The following DACH2 variants were observed in gnomAD, a reference collection of about 807,000 sequenced individuals.
DACH2 encodes dachshund family transcription factor 2.
In DACH2, 17 loss-of-function variants were observed where a neutral mutation model predicts 35.8. That is an observed-to-expected ratio of 0.48 (90% CI 0.33 to 0.71). The LOEUF (loss-of-function observed/expected upper bound fraction) is 0.71. Ranked by LOEUF, DACH2 falls within the 30% of genes least tolerant of loss-of-function variation. DACH2 has a pLI of 0.02. For synonymous variants in DACH2, 195 were observed against 177.3 expected, an observed-to-expected ratio of 1.10 and a Z score of -0.79; for missense variants, 469 against 472.7, an observed-to-expected ratio of 0.99 and a Z score of 0.07.
At position 86,362,453 on chromosome X, in the gene DACH2, GA is replaced by G. The variant is rs754902904; in HGVS notation, c.489-14368del. Among the ~76,000 whole-genome samples, 7 of 111,213 alleles carry G rather than the reference GA, an allele frequency of 6.3e-5. No homozygotes were observed. In the East Asian group the frequency reaches 2.0e-3, roughly 31 times the overall value. On this transcript the variant is annotated intron_variant, in intron 1 of 11. Transcript: ENST00000373125. ...TTAGCTTTAGCCAAAACCATTGAAA[GA>G]AATCAAAACAAATTTAAGGTGATAA...
intron 1 of DACH2, among the ~76,000 whole-genome samples, chrX:86,255,575 G>C (rs1246347135): frequency 9.0e-6 from 1 of 110,772 alleles, no homozygotes; most frequent in Non-Finnish European, 1.9e-5. Flanking sequence ...TTTGAGTGTA[G>C]GTCTCCTGAT....
At chrX:86,525,839 G>A (rs2038623808) in intron 3 of DACH2, among the ~76,000 whole-genome samples, 2 of 111,370 alleles carry the variant, frequency 1.8e-5, no homozygotes, top group African/African-American at 6.5e-5. Context: ...CACAAGCCAA[G>A]TCTATTGGAT....
intron 1 of DACH2, among the ~76,000 whole-genome samples, chrX:86,307,940 G>T (rs752762899): frequency 8.9e-6 from 1 of 111,741 alleles, no homozygotes; most frequent in Admixed American, 9.5e-5. Context: ...ACTTAATTTT[G>T]CAGCTCAGGG....
intron 3 of DACH2, among the ~76,000 whole-genome samples, chrX:86,609,682 C>G (rs1462032141): frequency 1.8e-5 from 2 of 111,677 alleles, no homozygotes. Flanking sequence ...GAACCTCAAG[C>G]CCAGTAGTGC....
At chrX:86,780,365 A>G (rs2042078569) in intron 7 of DACH2, among the ~76,000 whole-genome samples, 1 of 111,358 alleles carries the variant, frequency 9.0e-6, no homozygotes, top group African/African-American at 3.3e-5. Context: ...AATGACCAAC[A>G]TAGTATTCAG....
chrX:86,677,793 G>T (rs182683929), intron 4 of DACH2, among the ~76,000 whole-genome samples: 3 of 112,263 alleles, frequency 2.7e-5, no homozygotes, highest in Admixed American at 1.9e-4. Flanking sequence ...GAGCTAGGCC[G>T]AGAACACAGC....
At chrX:86,202,929 C>T (rs1180392105) in intron 1 of DACH2, among the ~76,000 whole-genome samples, 1 of 111,207 alleles carries the variant, frequency 9.0e-6, no homozygotes, top group Non-Finnish European at 1.9e-5. Flanking sequence ...GTTGTCTAAT[C>T]GGATTGATTA....
intron 1 of DACH2, among the ~76,000 whole-genome samples, chrX:86,296,187 G>A (rs1325866006): frequency 6.6e-5 from 7 of 105,685 alleles, no homozygotes; most frequent in Non-Finnish European, 1.2e-4. Context: ...AGACCATCCT[G>A]GCTAACACGG....
chrX:86,496,686 C>G (rs1353087163), intron 2 of DACH2, among the ~76,000 whole-genome samples: 7 of 110,104 alleles, frequency 6.4e-5, no homozygotes, highest in South Asian at 3.9e-4. Context: ...GCCACACACA[C>G]ACATGAAAAA....
chrX:86,618,977 A>G (rs1272055518), intron 3 of DACH2, among the ~76,000 whole-genome samples: 1 of 112,013 alleles, frequency 8.9e-6, no homozygotes, highest in Admixed American at 9.5e-5. Flanking sequence ...TGCTTTTTAA[A>G]CACAAAATCT....
At position 86,267,848 on chromosome X, in the gene DACH2, A is replaced by G. The variant is rs150419844; in HGVS notation, c.489-108976A>G. ...ATATTAAATGTTATAGTTCCATTCT[A>G]TAGACCTAAATCTCACTATACATTG... is the stretch of plus-strand genomic sequence containing the variant. On this transcript the variant is annotated intron_variant, in intron 1 of 11. Coordinates refer to ENST00000373125, the MANE Select transcript of DACH2 (RefSeq NM_053281.3). Among the ~76,000 whole-genome samples the G allele has an allele frequency of 7.9e-4, 89 of 112,171 alleles. 1 individual carries two copies. In the East Asian group the frequency reaches 0.014, roughly 18 times the overall value.
chrX:86,437,871 T>C (rs1481005269), intron 2 of DACH2, among the ~76,000 whole-genome samples: 3 of 110,527 alleles, frequency 2.7e-5, no homozygotes, highest in Non-Finnish European at 3.8e-5. Flanking sequence ...ATTTTTATTT[T>C]ATTTGTGTTT....
chrX:86,619,728 G>A (rs2040047470), intron 3 of DACH2, among the ~76,000 whole-genome samples: 1 of 111,862 alleles, frequency 8.9e-6, no homozygotes, highest in Non-Finnish European at 1.9e-5. Flanking sequence ...ACAGGAAGGG[G>A]CACTATCAGT....
At chrX:86,740,176 G>A (rs2041638934) in intron 7 of DACH2, among the ~76,000 whole-genome samples, 3 of 110,043 alleles carry the variant, frequency 2.7e-5, no homozygotes, top group Admixed American at 1.9e-4. Context: ...GATACAATAC[G>A]CCTGACACAG....
intron 7 of DACH2, among the ~76,000 whole-genome samples, chrX:86,774,382 T>A (rs1187674830): frequency 5.4e-5 from 6 of 112,088 alleles, no homozygotes; most frequent in Non-Finnish European, 3.8e-5. Context: ...AATAGTTTGT[T>A]CTGGTCATTA....
chrX:86,602,961 G>A (rs1458192896), intron 3 of DACH2, among the ~76,000 whole-genome samples: 1 of 110,900 alleles, frequency 9.0e-6, no homozygotes, highest in African/African-American at 3.3e-5. Flanking sequence ...TTTTACTATA[G>A]GTCTATTGTA....
At chrX:86,312,664 G>A (rs980151602) in intron 1 of DACH2, among the ~76,000 whole-genome samples, 1 of 111,698 alleles carries the variant, frequency 9.0e-6, no homozygotes, top group Admixed American at 9.5e-5. Flanking sequence ...GGCATGACTG[G>A]CCTAGCCTCC....
At position 86,536,691 on chromosome X, in the gene DACH2, C is replaced by T. The variant is rs181008462; in HGVS notation, c.640+22300C>T. Among the ~76,000 whole-genome samples the T allele has an allele frequency of 4.2e-4, 47 of 111,931 alleles. 2 individuals are homozygous for T. The highest frequency in any genetic ancestry group is 1.5e-3 in the African/African-American group (47 of 30,811). On this transcript the variant is annotated intron_variant, in intron 3 of 11. Transcript: ENST00000373125. ...AATTCCCCCACTTCAAGATGTCCCACCTTTCAGAGCCAAACCAATGTATAC... is the reference window on the plus strand; with the variant it reads ...AATTCCCCCACTTCAAGATGTCCCATCTTTCAGAGCCAAACCAATGTATAC...
intron 2 of DACH2, among the ~76,000 whole-genome samples, chrX:86,479,408 G>GC (rs1234363541): frequency 9.0e-6 from 1 of 110,856 alleles, no homozygotes; most frequent in African/African-American, 3.3e-5. Context: ...GCACTTCCCT[G>GC]CCCCCTGTTC....
Sources: gnomAD v4.1 joint callset for allele counts (sites outside exome capture counted in the v4.1 genomes callset) on GRCh38, gnomAD v4.1.1 for gene constraint, MANE v1.5 for transcripts, NCBI Gene and HGNC (gene_info 2026-07-23, HGNC 2026-07-21) for gene names.